The following FOXP1 variants were observed in gnomAD, a reference collection of about 807,000 sequenced individuals.
FOXP1 encodes forkhead box P1, also known as forkhead box protein P1.
Under a neutral mutation model 98.2 loss-of-function variants are expected in FOXP1, and 15 were observed. The ratio of observed to expected loss-of-function variants is 0.15; its 90% CI spans 0.10 to 0.24. FOXP1 has a LOEUF of 0.24. Ranked by LOEUF, FOXP1 falls within the 10% of genes least tolerant of loss-of-function variation. The probability of loss-of-function intolerance (pLI) is 1.00; values close to 1 mark genes in which losing one functional copy is unlikely to be tolerated. For synonymous variants in FOXP1, 371 were observed against 314.5 expected (o/e 1.18, Z -1.90); for missense variants, 633 against 848.5 (o/e 0.75, Z 3.15).
At chr3:71,266,861 T>C (rs1452514067) in intron 5 of FOXP1, among the ~76,000 whole-genome samples, 1 of 152,242 alleles carries the variant, frequency 6.6e-6, no homozygotes, top group Non-Finnish European at 1.5e-5. Context: ...CTTACGATAA[T>C]GGCCGCCAGC....
intron 4 of FOXP1, among the ~76,000 whole-genome samples, chr3:71,314,530 A>AAAAT (rs146397821): frequency 5.2e-4 from 74 of 143,400 alleles, no homozygotes; most frequent in African/African-American, 1.6e-3. Flanking sequence ...CCGTCTAAAA[A>AAAAT]ATATATATAT....
At chr3:71,106,625 CTT>C (rs35593682) in intron 7 of FOXP1, among the ~76,000 whole-genome samples, 25 of 143,754 alleles carry the variant, frequency 1.7e-4, no homozygotes, top group African/African-American at 4.6e-4. Flanking sequence ...CACCCGGCCA[CTT>C]TTTTTTTTTT....
chr3:71,455,839 G>A (rs1387215708), intron 3 of FOXP1, among the ~76,000 whole-genome samples: 1 of 152,194 alleles, frequency 6.6e-6, no homozygotes, highest in African/African-American at 2.4e-5. Flanking sequence ...CATGCAAACT[G>A]ATGCTTGCTT....
intron 4 of FOXP1, chr3:71,335,364 C>G (rs894916453): frequency 1.3e-5 from 2 of 151,700 alleles, no homozygotes; most frequent in Admixed American, 6.6e-5. Context: ...CTAATCATAA[C>G]TGGTAGTGGA....
Position 71,291,113 on chromosome 3 carries a change from G to A in FOXP1, c.-12+8707C>T, listed in dbSNP as rs893503213. Among the ~76,000 whole-genome samples the A allele has an allele frequency of 1.5e-4, 23 of 151,938 alleles. 1 individual carries two copies. Among genetic ancestry groups the A allele is most frequent in the Admixed American group, 1.4e-3 (22 of 15,246 alleles). ...TTTTCTCTACAGTATCTATCACCACGCCCTTGTTTATCACGCTTCGCTGGT... is the reference window on the plus strand; with the variant it reads ...TTTTCTCTACAGTATCTATCACCACACCCTTGTTTATCACGCTTCGCTGGT... On this transcript the variant is annotated intron_variant, in intron 5 of 20. Coordinates refer to ENST00000649528, the MANE Select transcript of FOXP1 (RefSeq NM_001349338.3).
chr3:71,382,101 G>C lies in FOXP1; in HGVS notation c.-167-22857C>G, dbSNP rs1367182793. On this transcript the variant is annotated intron_variant, in intron 3 of 20. Transcript: ENST00000649528. The stretch of plus-strand genomic sequence containing the variant: ...AGCCTGAGCAACATGGCGAGACCCT[G>C]TCTCTACAAAAAATCCAAAATATTT... 3.7e-4 allele frequency among the ~76,000 whole-genome samples: 56 copies of C among 152,078 alleles called. 1 individual carries two copies. The highest frequency in any genetic ancestry group is 3.7e-3 in the Admixed American group (56 of 15,264).
intron 4 of FOXP1, among the ~76,000 whole-genome samples, chr3:71,353,341 G>A (rs2077926268): frequency 6.6e-6 from 1 of 152,154 alleles, no homozygotes; most frequent in Admixed American, 6.6e-5. Flanking sequence ...ATATTACACG[G>A]ATCTGTTTCC....
At chr3:71,444,467 T>C (rs1239670673) in intron 3 of FOXP1, among the ~76,000 whole-genome samples, 1 of 151,756 alleles carries the variant, frequency 6.6e-6, no homozygotes, top group African/African-American at 2.4e-5. Context: ...CACGACTCAC[T>C]GTAAATAAAT....
chr3:71,444,462 C>T (rs1372708422), intron 3 of FOXP1, among the ~76,000 whole-genome samples: 1 of 151,788 alleles, frequency 6.6e-6, no homozygotes, highest in East Asian at 1.9e-4. Context: ...ATCACCACGA[C>T]TCACTGTAAA....
intron 3 of FOXP1, among the ~76,000 whole-genome samples, chr3:71,390,197 T>C (rs1037363368): frequency 6.6e-6 from 1 of 152,172 alleles, no homozygotes; most frequent in African/African-American, 2.4e-5. Flanking sequence ...TGCCTTCACC[T>C]TGCATCCCAG....
intron 4 of FOXP1, among the ~76,000 whole-genome samples, chr3:71,330,577 GT>G (rs1227100182): frequency 2.0e-5 from 3 of 152,184 alleles, no homozygotes; most frequent in African/African-American, 7.2e-5. Context: ...AGAAAAACTG[GT>G]AAAGAATCTG....
chr3:71,349,904 G>A (rs2077667226), intron 4 of FOXP1, among the ~76,000 whole-genome samples: 1 of 152,036 alleles, frequency 6.6e-6, no homozygotes, highest in Non-Finnish European at 1.5e-5. Context: ...GAAAACTGAG[G>A]TTCAAAATAT....
intron 11 of FOXP1, among the ~76,000 whole-genome samples, chr3:71,029,720 G>C (rs148745716): frequency 6.6e-6 from 1 of 152,006 alleles, no homozygotes; most frequent in African/African-American, 2.4e-5. Context: ...CCTCTGTTAC[G>C]TTTTGCATAT....
intron 2 of FOXP1, among the ~76,000 whole-genome samples, chr3:71,498,398 G>A (rs1365552356): frequency 6.6e-6 from 1 of 152,156 alleles, no homozygotes; most frequent in Non-Finnish European, 1.5e-5. Context: ...ACACTGCCAG[G>A]CACCAGGAAA....
chr3:71,568,715 C>T (rs539056653), intron 2 of FOXP1, among the ~76,000 whole-genome samples: 5 of 151,940 alleles, frequency 3.3e-5, no homozygotes, highest in African/African-American at 1.2e-4. Flanking sequence ...GGCGTGATCT[C>T]AGCTCACTGC....
chr3:71,545,312 T>A (rs577084074), intron 2 of FOXP1, among the ~76,000 whole-genome samples: 46 of 152,318 alleles, frequency 3.0e-4, no homozygotes, highest in African/African-American at 1.0e-3. Context: ...GAAATAGTGA[T>A]ATGTAACAAA....
chr3:71,353,626 T>A, intron 4 of FOXP1, among the ~76,000 whole-genome samples: 1 of 152,326 alleles, frequency 6.6e-6, no homozygotes, highest in South Asian at 2.1e-4. Context: ...GTACAAGTTA[T>A]GAATTAATAA....
rs141966251 is a variant in FOXP1, at chr3:71,407,648, C to G, written c.-167-48404G>C. The stretch of plus-strand genomic sequence containing the variant: ...TATGTGGTATCAGGGTTGTGAGATA[C>G]AGAAGAACTGTGCGTGTGTGTGTGT... On this transcript the variant is annotated intron_variant, in intron 3 of 20. Transcript: ENST00000649528. Among the ~76,000 whole-genome samples the G allele has an allele frequency of 4.7e-4, 71 of 151,950 alleles. 1 individual carries two copies. The East Asian group carries it at 0.013, about 28-fold the overall frequency.
At chr3:71,283,903 A>G (rs188664516) in intron 5 of FOXP1, among the ~76,000 whole-genome samples, 37 of 152,222 alleles carry the variant, frequency 2.4e-4, no homozygotes, top group African/African-American at 8.2e-4. Context: ...TGGCCTCCCA[A>G]TGACAAGACC....
Sources: allele counts gnomAD v4.1 joint callset (sites outside exome capture counted in the v4.1 genomes callset), GRCh38; gene constraint gnomAD v4.1.1; transcripts MANE v1.5; gene names NCBI Gene and HGNC (gene_info 2026-07-23, HGNC 2026-07-21).